Variants in ESCO1 observed in about 807,000 individuals in gnomAD.
The protein encoded by ESCO1 is N-acetyltransferase ESCO1.
A neutral mutation model predicts 83.5 loss-of-function variants in ESCO1; 33 were observed. The observed-to-expected ratio is 0.40, with a 90% CI of 0.30 to 0.53. The LOEUF (loss-of-function observed/expected upper bound fraction) is 0.53, where lower values mean the gene tolerates loss of function less well. Among genes scored for constraint, ESCO1 ranks in the 20% least tolerant of loss-of-function variants. ESCO1 has a pLI of 0.63. For missense variants in ESCO1, 855 were observed against 968.0 expected (o/e 0.88, Z 1.55); for synonymous variants, 332 against 324.3 (o/e 1.02, Z -0.25).
At chr18:21,534,862 G>A (rs1488736289) in intron 10 of ESCO1, among the ~76,000 whole-genome samples, 1 of 151,950 alleles carries the variant, frequency 6.6e-6, no homozygotes, top group East Asian at 1.9e-4. Flanking sequence ...CTGACCTTCT[G>A]ATCTGCCCGC....
intron 1 of ESCO1, among the ~76,000 whole-genome samples, chr18:21,586,314 CATA>C (rs1308064373): frequency 1.3e-5 from 2 of 152,176 alleles, no homozygotes; most frequent in East Asian, 1.9e-4. Flanking sequence ...TTTCACTGAA[CATA>C]ATGTCTTCCA....
In ESCO1 at chr18:21,573,940, T is replaced by G; in HGVS notation, c.904A>C (p.Ser302Arg). 1.2e-6 allele frequency: 2 copies of G among 1,614,074 alleles called. No individual in the cohort carries two copies. The highest frequency in any genetic ancestry group is 1.7e-6 in the Non-Finnish European group (2 of 1,180,026). Residue 302 changes from serine to arginine, a missense_variant, in exon 4 of 12, where the codon AGT becomes CGT. Around this residue, in one of 2 missense-constraint regions of ESCO1, gnomAD observed 726 missense variants for 699.5 expected, o/e 1.04. Coordinates refer to ENST00000269214, the MANE Select transcript of ESCO1 (RefSeq NM_052911.3). ...ATTTCTTCACAGAGCTGGAGAATAC[T>G]ACCTCGTTTGCTCTTTCCTGCTTGC... is the stretch of plus-strand genomic sequence containing the variant. ...LEQAGKSKRG[S>R]ILQLCEEIAG...
At chr18:21,564,595 A>T (rs1241287433) in intron 6 of ESCO1, among the ~76,000 whole-genome samples, 2 of 150,350 alleles carry the variant, frequency 1.3e-5, no homozygotes, top group Non-Finnish European at 3.0e-5. Context: ...ACGGGGTTTC[A>T]CCATGTTAGC....
intron 4 of ESCO1, among the ~76,000 whole-genome samples, chr18:21,571,482 G>A (rs1036662583): frequency 3.9e-5 from 6 of 152,134 alleles, no homozygotes; most frequent in African/African-American, 1.2e-4. Flanking sequence ...GAGCCACCAC[G>A]CCTGGCAGGA....
chr18:21,574,300 C>G lies in ESCO1; in HGVS notation c.544G>C (p.Val182Leu), dbSNP rs776027305. Residue 182 changes from valine (V) to leucine (L), a missense_variant, in exon 4 of 12, where the codon GTA becomes CTA. Val to Leu is a conservative substitution (Grantham distance 32). This residue lies in a region of ESCO1 where 726 missense variants were observed against 699.5 expected (regional missense o/e 1.04). Coordinates refer to ENST00000269214, the MANE Select transcript of ESCO1 (RefSeq NM_052911.3). ...QKHVKRKVLE[V>L]KSDSKEDENL... ...TCATCTTCTTTAGAGTCAGACTTTACTTCCAGTACTTTTCTCTTCACATGT... is the reference window on the plus strand; with the variant it reads ...TCATCTTCTTTAGAGTCAGACTTTAGTTCCAGTACTTTTCTCTTCACATGT... 12 of 1,613,660 alleles carry G rather than the reference C, an allele frequency of 7.4e-6. No homozygotes were observed. Among genetic ancestry groups the G allele is most frequent in the Non-Finnish European group, 1.0e-5 (12 of 1,179,998 alleles).
chr18:21,558,372 T>C (rs2038139298), intron 8 of ESCO1, among the ~76,000 whole-genome samples: 1 of 152,176 alleles, frequency 6.6e-6, no homozygotes, highest in Non-Finnish European at 1.5e-5. Context: ...AGATTATTAA[T>C]CTGCCTAGAA....
chr18:21,579,794 GCACACACACACACACACA>G lies in ESCO1; in HGVS notation c.-693-4035_-693-4018del, dbSNP rs765904584. Among the ~76,000 whole-genome samples, 114 of 37,166 alleles carry G rather than the reference GCACACACACACACACACA, an allele frequency of 3.1e-3. 1 individual carries two copies. The highest frequency in any genetic ancestry group is 8.1e-3 in the Non-Finnish European group (89 of 10,994). The allele number at this position is 37,166 out of a possible 152,430, so 24.4% of individuals were successfully genotyped here. On this transcript the variant is annotated intron_variant, in intron 2 of 11. Coordinates refer to ENST00000269214, the MANE Select transcript of ESCO1 (RefSeq NM_052911.3). ...CTGACACACACACACACGCGCGCGC[GCACACACACACACACACA>G]CACACACACACACACACACACACAC...
At chr18:21,597,623 T>C (rs914526788) in intron 1 of ESCO1, among the ~76,000 whole-genome samples, 2 of 152,084 alleles carry the variant, frequency 1.3e-5, no homozygotes, top group East Asian at 1.9e-4. Flanking sequence ...TATAAACCTA[T>C]ATAAACAAAA....
Position 21,536,117 on chromosome 18 carries a change from G to A in ESCO1, c.2112C>T (p.Ser704=). Residue 704 remains serine, a synonymous_variant, in exon 10 of 12, where the codon TCC becomes TCT. Transcript: ENST00000269214. The part of the protein sequence containing the change: ...GFQQAPLMCY[S]RTKTLLFISN... The stretch of plus-strand genomic sequence containing the variant: ...AAATGAAGAGAAGTGTTTTAGTTCT[G>A]GAATAGCACATTAGTGGAGCCTGTT... 1 of 1,614,034 alleles carries A rather than the reference G, an allele frequency of 6.2e-7. No individual in the cohort carries two copies. Among genetic ancestry groups the A allele is most frequent in the Non-Finnish European group, 8.5e-7 (1 of 1,179,968 alleles).
chr18:21,600,177 G>C (rs2038822426), intron 1 of ESCO1, among the ~76,000 whole-genome samples: 1 of 152,236 alleles, frequency 6.6e-6, no homozygotes, highest in Admixed American at 6.5e-5. Context: ...CCGGTGAAGC[G>C]CCGGGAAGAG....
At chr18:21,591,727 G>A (rs1247034009) in intron 1 of ESCO1, among the ~76,000 whole-genome samples, 4 of 149,774 alleles carry the variant, frequency 2.7e-5, no homozygotes, top group Non-Finnish European at 5.9e-5. Flanking sequence ...AGGGGGATTT[G>A]GCAGGGTCAT....
chr18:21,586,652 T>G (rs982699533), intron 1 of ESCO1, among the ~76,000 whole-genome samples: 7 of 152,228 alleles, frequency 4.6e-5, no homozygotes, highest in African/African-American at 1.7e-4. Flanking sequence ...TGTGAATTTC[T>G]TAGGATTTCC....
intron 1 of ESCO1, among the ~76,000 whole-genome samples, chr18:21,587,383 G>A (rs1033876817): frequency 2.0e-5 from 3 of 152,144 alleles, no homozygotes; most frequent in African/African-American, 4.8e-5. Context: ...GAAGCCATCT[G>A]AGCCTGGGCT....
In ESCO1 at chr18:21,574,923, G is replaced by T; in HGVS notation, c.-80C>A. On this transcript the variant is annotated 5_prime_UTR_variant, in exon 4 of 12. Coordinates refer to ENST00000269214, the MANE Select transcript of ESCO1 (RefSeq NM_052911.3). ...GGTAGGCGTGAATGCTGACTAGCTA[G>T]TATTATTACTGAGGAGCAGGTCTGA... is the stretch of plus-strand genomic sequence containing the variant. The T allele has an allele frequency of 1.9e-6, 2 of 1,075,676 alleles. No individual in the cohort carries two copies. The highest frequency in any genetic ancestry group is 1.3e-6 in the Non-Finnish European group (1 of 768,766). 66.6% of individuals were successfully genotyped at this position (1,075,676 alleles called of 1,614,324 possible).
intron 6 of ESCO1, 53 bp from the exon 7 acceptor site, chr18:21,564,370 T>C: frequency 8.7e-7 from 1 of 1,154,902 alleles, no homozygotes; most frequent in Non-Finnish European, 1.2e-6. Flanking sequence ...TTTCACATCA[T>C]TTGAAGGGGA....
chr18:21,555,998 T>C (rs2038107794), intron 8 of ESCO1, among the ~76,000 whole-genome samples: 1 of 152,072 alleles, frequency 6.6e-6, no homozygotes, highest in South Asian at 2.1e-4. Flanking sequence ...ATCACACCTA[T>C]AATCCCAGCA....
Position 21,575,114 on chromosome 18 carries a change from A to G in ESCO1, c.-271T>C, listed in dbSNP as rs1207493065. 2 of 368,688 alleles carry G rather than the reference A, an allele frequency of 5.4e-6. No individual in the cohort carries two copies. The highest frequency in any genetic ancestry group is 4.2e-5 in the African/African-American group (2 of 48,052). 22.8% of individuals were successfully genotyped at this position (368,688 alleles called of 1,614,324 possible). A position where few individuals can be genotyped will look rare whatever the true frequency, so the allele number is the denominator to read the frequency against. ...TAAAAATTTGAGGAAAATTTTGATT[A>G]TTTTTAATAAGTTTTTTTATCAAAA... is the stretch of plus-strand genomic sequence containing the variant. On this transcript the variant is annotated 5_prime_UTR_variant, in exon 4 of 12. Transcript: ENST00000269214.
In ESCO1 at chr18:21,574,268, T is replaced by C; in HGVS notation, c.576A>G (p.Leu192=). 1.9e-6 allele frequency: 3 copies of C among 1,613,866 alleles called. No individual in the cohort carries two copies. The highest frequency in any genetic ancestry group is 2.5e-6 in the Non-Finnish European group (3 of 1,179,990). The stretch of plus-strand genomic sequence containing the variant: ...GAGAATTTATTACTTCATTAATTAC[T>C]AGATTTTCATCTTCTTTAGAGTCAG... ...VKSDSKEDEN[L]VINEVINSPK... The change falls in exon 4 of 12, where the codon CTA becomes CTG. Residue 192 remains leucine, a synonymous_variant. Coordinates refer to ENST00000269214, the MANE Select transcript of ESCO1 (RefSeq NM_052911.3).
intron 1 of ESCO1, among the ~76,000 whole-genome samples, chr18:21,592,276 C>T (rs1261370310): frequency 2.7e-5 from 4 of 150,882 alleles, no homozygotes; most frequent in Admixed American, 6.6e-5. Context: ...ACCTCCTGGA[C>T]GGGGCAGCTG....
Sources: gnomAD v4.1 joint callset for allele counts (sites outside exome capture counted in the v4.1 genomes callset) on GRCh38, gnomAD v4.1.1 for gene constraint, gnomAD v4.1.1 regional missense constraint, MANE v1.5 for transcripts, NCBI Gene and HGNC (gene_info 2026-07-23, HGNC 2026-07-21) for gene names.